Variants in AFF3 observed in about 807,000 individuals in gnomAD.
AFF3 encodes ALF transcription elongation factor 3.
In AFF3, 32 loss-of-function variants were observed where a neutral mutation model predicts 129.7. The ratio of observed to expected loss-of-function variants is 0.25; its 90% CI spans 0.19 to 0.33. The LOEUF is 0.33. Among genes scored for constraint, AFF3 ranks in the 10% least tolerant of loss-of-function variants. The probability of loss-of-function intolerance (pLI) is 1.00; values close to 1 mark genes in which losing one functional copy is unlikely to be tolerated. For synonymous variants in AFF3, 644 were observed against 635.4 expected (o/e 1.01, Z -0.20); for missense variants, 1,373 against 1,592.0 (o/e 0.86, Z 2.34).
chr2:99,647,883 G>A (rs1168459641), intron 13 of AFF3, among the ~76,000 whole-genome samples: 1 of 152,106 alleles, frequency 6.6e-6, no homozygotes, highest in Non-Finnish European at 1.5e-5. Context: ...GGCTTGACAA[G>A]GGATTTTTTG....
At chr2:99,981,203 A>G (rs1679367050) in intron 7 of AFF3, among the ~76,000 whole-genome samples, 1 of 151,916 alleles carries the variant, frequency 6.6e-6, no homozygotes, top group Admixed American at 6.6e-5. Context: ...TTTTTAGTAG[A>G]GATAGGGTTT....
intron 7 of AFF3, among the ~76,000 whole-genome samples, chr2:99,922,246 C>A (rs181422770): frequency 9.7e-4 from 147 of 152,270 alleles, no homozygotes; most frequent in African/African-American, 3.4e-3. Flanking sequence ...GAAATCAAAC[C>A]ATGTATCTAC....
intron 13 of AFF3, among the ~76,000 whole-genome samples, chr2:99,648,293 G>A (rs906243047): frequency 4.7e-5 from 1 of 21,172 alleles, no homozygotes; most frequent in Non-Finnish European, 9.2e-5. Flanking sequence ...CATTAACAAT[G>A]ACCAAGTTTC....
intron 13 of AFF3, among the ~76,000 whole-genome samples, chr2:99,628,463 G>C (rs1682803322): frequency 6.6e-6 from 1 of 152,098 alleles, no homozygotes. Flanking sequence ...TTTGAACTGA[G>C]ACAATGGGGG....
At chr2:99,948,137 C>T (rs895592207) in intron 7 of AFF3, among the ~76,000 whole-genome samples, 78 of 152,184 alleles carry the variant, frequency 5.1e-4, no homozygotes, top group African/African-American at 1.6e-3. Context: ...CTTTCTCCCA[C>T]GCGGGTCTGC....
At chr2:99,962,507 A>G (rs72953789) in intron 7 of AFF3, among the ~76,000 whole-genome samples, 1,865 of 152,332 alleles carry the variant, frequency 0.012, 30 homozygotes, top group African/African-American at 0.042. Flanking sequence ...TACTTCAACA[A>G]TGAACTATAA....
intron 7 of AFF3, among the ~76,000 whole-genome samples, chr2:99,855,104 A>G (rs896324573): frequency 6.6e-6 from 1 of 152,198 alleles, no homozygotes; most frequent in African/African-American, 2.4e-5. Context: ...TATTTCCTAA[A>G]TAAGACACAA....
chr2:99,903,801 A>G (rs572880523), intron 7 of AFF3, among the ~76,000 whole-genome samples: 8 of 152,278 alleles, frequency 5.3e-5, no homozygotes, highest in South Asian at 2.1e-4. Context: ...ATGCCATTTT[A>G]TCATTGCTAA....
chr2:100,106,291 T>C, intron 2 of AFF3: 2 of 1,173,254 alleles, frequency 1.7e-6, no homozygotes, highest in Non-Finnish European at 2.1e-6. Context: ...CTGATAACTC[T>C]CAGCCCTCAA....
chr2:99,964,965 G>A (rs1433300351), intron 7 of AFF3, among the ~76,000 whole-genome samples: 1 of 152,084 alleles, frequency 6.6e-6, no homozygotes, highest in Admixed American at 6.6e-5. Flanking sequence ...AAGCACCTGT[G>A]GATGCTGACT....
intron 5 of AFF3, 105 bp downstream of exon 5, chr2:100,008,707 A>C (rs1682216090): frequency 5.1e-6 from 7 of 1,364,834 alleles, no homozygotes; most frequent in Non-Finnish European, 7.0e-6. Context: ...AACAGACAGA[A>C]GATGCAGTCA....
intron 7 of AFF3, among the ~76,000 whole-genome samples, chr2:99,867,324 G>A (rs1035612482): frequency 1.5e-5 from 1 of 65,996 alleles, no homozygotes; most frequent in African/African-American, 3.8e-5. Flanking sequence ...ACTCACAAAT[G>A]GGGTTGACAT....
chr2:99,889,378 T>C (rs1693367918), intron 7 of AFF3, among the ~76,000 whole-genome samples: 1 of 152,248 alleles, frequency 6.6e-6, no homozygotes, highest in Non-Finnish European at 1.5e-5. Flanking sequence ...TAAGGTGTTA[T>C]GAATAATCCA....
At chr2:99,657,048 A>G (rs1420573934) in intron 12 of AFF3, among the ~76,000 whole-genome samples, 1 of 152,134 alleles carries the variant, frequency 6.6e-6, no homozygotes, top group Non-Finnish European at 1.5e-5. Context: ...CAGTCGCTCT[A>G]ATGAGGACTG....
At chr2:99,918,747 C>T (rs550593492) in intron 7 of AFF3, among the ~76,000 whole-genome samples, 84 of 152,204 alleles carry the variant, frequency 5.5e-4, no homozygotes, top group Admixed American at 2.2e-3. Context: ...AAACCAAAAC[C>T]CAGTAGAAGC....
chr2:100,059,457 TAGTG>T (rs1270168401), intron 4 of AFF3, among the ~76,000 whole-genome samples: 1 of 152,030 alleles, frequency 6.6e-6, no homozygotes, highest in African/African-American at 2.4e-5. Context: ...TAAAAAGTCT[TAGTG>T]AGGCTGTGGA....
At chr2:100,069,628 A>G (rs1688006929) in intron 4 of AFF3, among the ~76,000 whole-genome samples, 1 of 152,210 alleles carries the variant, frequency 6.6e-6, no homozygotes, top group African/African-American at 2.4e-5. Context: ...ATGTTTAGCC[A>G]TCTCCTATTT....
At chr2:100,042,374 TG>T (rs1458436639) in intron 4 of AFF3, among the ~76,000 whole-genome samples, 5 of 152,196 alleles carry the variant, frequency 3.3e-5, no homozygotes, top group Admixed American at 2.0e-4. Context: ...TGAAATATAT[TG>T]TTTTTTTTCT....
intron 4 of AFF3, among the ~76,000 whole-genome samples, chr2:100,024,843 C>T (rs896512557): frequency 6.6e-6 from 1 of 151,864 alleles, no homozygotes; most frequent in Non-Finnish European, 1.5e-5. Flanking sequence ...ATCTCTTGTA[C>T]ATAAAATGTG....
Sources: gnomAD v4.1 joint callset for allele counts (sites outside exome capture counted in the v4.1 genomes callset) on GRCh38, gnomAD v4.1.1 for gene constraint, MANE v1.5 for transcripts, NCBI Gene and HGNC (gene_info 2026-07-23, HGNC 2026-07-21) for gene names.